Variants in CNTNAP5 observed in about 807,000 individuals in gnomAD.
The protein encoded by CNTNAP5 is contactin-associated protein-like 5.
CNTNAP5 carries 72 observed loss-of-function variants against 150.2 expected under a neutral mutation model. The ratio of observed to expected loss-of-function variants is 0.48; its 90% CI spans 0.40 to 0.58. The LOEUF is 0.58. Among genes scored for constraint, CNTNAP5 ranks in the 20% least tolerant of loss-of-function variants. The pLI is 0.00. For missense variants in CNTNAP5, 1,636 were observed against 1,626.2 expected (o/e 1.01, Z -0.10); for synonymous variants, 672 against 619.8 (o/e 1.08, Z -1.25).
chr2:124,204,936 C>A (rs1010519225), intron 1 of CNTNAP5, among the ~76,000 whole-genome samples: 6 of 152,090 alleles, frequency 3.9e-5, no homozygotes, highest in Non-Finnish European at 8.8e-5. Flanking sequence ...TCATTGAAAG[C>A]CAAAGTAAAC....
At chr2:124,407,505 A>G (rs1691604617) in intron 3 of CNTNAP5, among the ~76,000 whole-genome samples, 1 of 152,154 alleles carries the variant, frequency 6.6e-6, no homozygotes, top group African/African-American at 2.4e-5. Flanking sequence ...TTTAACATGG[A>G]TAAGCCCAGG....
At chr2:124,429,718 C>A (rs907237988) in intron 4 of CNTNAP5, among the ~76,000 whole-genome samples, 3 of 152,184 alleles carry the variant, frequency 2.0e-5, no homozygotes, top group African/African-American at 7.2e-5. Flanking sequence ...ATCCTCTCTG[C>A]ACCAATAAGC....
intron 8 of CNTNAP5, among the ~76,000 whole-genome samples, chr2:124,507,957 T>A (rs1341226019): frequency 6.6e-6 from 1 of 152,180 alleles, no homozygotes; most frequent in African/African-American, 2.4e-5. Context: ...GTCACTTCTG[T>A]CATATTCTAT....
intron 1 of CNTNAP5, among the ~76,000 whole-genome samples, chr2:124,181,037 T>TA (rs937481106): frequency 1.2e-4 from 18 of 148,518 alleles, no homozygotes; most frequent in Admixed American, 2.0e-4. Context: ...AGCCAGAATT[T>TA]AAAAAAAAAA....
chr2:124,462,549 T>C (rs1216456867), intron 6 of CNTNAP5, among the ~76,000 whole-genome samples: 2 of 152,230 alleles, frequency 1.3e-5, no homozygotes, highest in African/African-American at 4.8e-5. Context: ...TGGTAACATA[T>C]CTTGTTTTCT....
rs769732658 is a variant in CNTNAP5, at chr2:124,921,152, AAGAC to A, written c.*6866_*6869del. 2.0e-5 allele frequency among the ~76,000 whole-genome samples: 3 copies of A among 152,164 alleles called. No homozygotes were observed. The highest frequency in any genetic ancestry group is 4.4e-5 in the Non-Finnish European group (3 of 68,020). On this transcript the variant is annotated 3_prime_UTR_variant, in exon 24 of 24. Transcript: ENST00000682447. Reference sequence around the variant, plus strand: ...TCTATGGTTATTGTTGTACAGAAGAAAGACAAACTGTAAATAATGTATATTTAAT... The same window carrying A: ...TCTATGGTTATTGTTGTACAGAAGAAAAACTGTAAATAATGTATATTTAAT...
intron 3 of CNTNAP5, among the ~76,000 whole-genome samples, chr2:124,358,723 T>C (rs1283761249): frequency 5.3e-5 from 8 of 152,146 alleles, no homozygotes; most frequent in Non-Finnish European, 1.2e-4. Context: ...TTATTGAGGA[T>C]TTTTGCATCA....
intron 13 of CNTNAP5, among the ~76,000 whole-genome samples, chr2:124,715,002 G>A (rs1360445662): frequency 6.6e-6 from 1 of 152,122 alleles, no homozygotes; most frequent in Non-Finnish European, 1.5e-5. Flanking sequence ...TAAGGGATGA[G>A]GGAAGACAGG....
At chr2:124,191,507 G>A (rs2104695268) in intron 1 of CNTNAP5, among the ~76,000 whole-genome samples, 1 of 152,202 alleles carries the variant, frequency 6.6e-6, no homozygotes, top group Non-Finnish European at 1.5e-5. Context: ...TATATCATAT[G>A]TATAGTCAAG....
At chr2:124,721,525 TA>T (rs1467416519) in intron 13 of CNTNAP5, among the ~76,000 whole-genome samples, 5 of 109,414 alleles carry the variant, frequency 4.6e-5, no homozygotes, top group African/African-American at 1.4e-4. Flanking sequence ...AAATAAATAT[TA>T]AAAAAACAAA....
intron 12 of CNTNAP5, among the ~76,000 whole-genome samples, chr2:124,645,181 G>A (rs776346788): frequency 6.6e-6 from 1 of 152,078 alleles, no homozygotes; most frequent in African/African-American, 2.4e-5. Context: ...AAAGTTCTGG[G>A]TTAATTGTTT....
chr2:124,261,451 G>A (rs1333134275), intron 3 of CNTNAP5, among the ~76,000 whole-genome samples: 3 of 152,062 alleles, frequency 2.0e-5, no homozygotes, highest in Non-Finnish European at 4.4e-5. Flanking sequence ...TTGAGAGAAG[G>A]CAGAAACTGT....
At chr2:124,268,720 A>G (rs1360138315) in intron 3 of CNTNAP5, among the ~76,000 whole-genome samples, 1 of 152,058 alleles carries the variant, frequency 6.6e-6, no homozygotes. Context: ...CCAAGCTTAC[A>G]TTTCCGGGTT....
chr2:124,327,913 A>C (rs1689260683), intron 3 of CNTNAP5, among the ~76,000 whole-genome samples: 1 of 152,190 alleles, frequency 6.6e-6, no homozygotes. Context: ...AACTTTCCAA[A>C]TTGGTTGAGA....
At position 124,564,888 on chromosome 2, in the gene CNTNAP5, G is replaced by T. The variant is rs144002807; in HGVS notation, c.1756+1565G>T. ...AGGGTAAGATAAACATTTTCTAGAC[G>T]TAAGAGTGCAGCCAACGCCTGGAGC... On this transcript the variant is annotated intron_variant, in intron 11 of 23. Transcript: ENST00000682447. Among the ~76,000 whole-genome samples the T allele has an allele frequency of 3.1e-4, 47 of 152,100 alleles. No individual in the cohort carries two copies. The East Asian group carries it at 8.9e-3, about 29-fold the overall frequency.
At chr2:124,859,802 C>T (rs1573667585) in intron 19 of CNTNAP5, among the ~76,000 whole-genome samples, 2 of 152,066 alleles carry the variant, frequency 1.3e-5, no homozygotes, top group African/African-American at 2.4e-5. Flanking sequence ...AGCAAACTAT[C>T]GCAAGGACAA....
chr2:124,602,904 C>G (rs570154963), intron 11 of CNTNAP5, among the ~76,000 whole-genome samples: 1 of 152,154 alleles, frequency 6.6e-6, no homozygotes, highest in African/African-American at 2.4e-5. Flanking sequence ...CATAATCACA[C>G]TGCCATAATT....
intron 3 of CNTNAP5, among the ~76,000 whole-genome samples, chr2:124,268,234 A>C (rs551837263): frequency 1.3e-5 from 2 of 152,196 alleles, no homozygotes; most frequent in Non-Finnish European, 2.9e-5. Flanking sequence ...GTAATTGGAC[A>C]TTAGTAAAAT....
intron 1 of CNTNAP5, among the ~76,000 whole-genome samples, chr2:124,080,938 G>A (rs1682546903): frequency 6.6e-6 from 1 of 152,094 alleles, no homozygotes; most frequent in Non-Finnish European, 1.5e-5. Context: ...TCCTTGACAT[G>A]TTTGTTAGAG....
Sources: gnomAD v4.1 joint callset for allele counts (sites outside exome capture counted in the v4.1 genomes callset) on GRCh38, gnomAD v4.1.1 for gene constraint, MANE v1.5 for transcripts, NCBI Gene and HGNC (gene_info 2026-07-23, HGNC 2026-07-21) for gene names.